Variants in SNTG2 observed in about 807,000 individuals in gnomAD.
The protein encoded by SNTG2 is syntrophin gamma 2, also known as gamma-2-syntrophin.
A neutral mutation model predicts 70.9 loss-of-function variants in SNTG2; 74 were observed. That is an observed-to-expected ratio of 1.04 (90% CI 0.86 to 1.27). SNTG2 has a LOEUF of 1.27. Ranked by LOEUF, SNTG2 falls within the 50% of genes most tolerant of loss-of-function variation. The probability of loss-of-function intolerance (pLI) is 0.00; values close to 1 mark genes in which losing one functional copy is unlikely to be tolerated. For missense variants in SNTG2, 717 were observed against 690.7 expected, an observed-to-expected ratio of 1.04 and a Z score of -0.43; for synonymous variants, 278 against 273.8, an observed-to-expected ratio of 1.02 and a Z score of -0.15.
intron 1 of SNTG2, among the ~76,000 whole-genome samples, chr2:974,755 T>C (rs1660855358): frequency 6.6e-6 from 1 of 152,192 alleles, no homozygotes; most frequent in Non-Finnish European, 1.5e-5. Context: ...AGGGACTTTT[T>C]ACTCTCTGGA....
At chr2:1,175,794 T>C (rs1393018906) in intron 8 of SNTG2, among the ~76,000 whole-genome samples, 2 of 152,216 alleles carry the variant, frequency 1.3e-5, no homozygotes, top group Non-Finnish European at 2.9e-5. Context: ...TTGAGTGGAC[T>C]CTAAACTCTT....
At chr2:1,144,078 G>T (rs986862551) in intron 6 of SNTG2, among the ~76,000 whole-genome samples, 22 of 152,196 alleles carry the variant, frequency 1.4e-4, no homozygotes, top group African/African-American at 3.6e-4. Context: ...CTACCCAAGG[G>T]TGTGCTTATC....
chr2:1,036,372 C>G (rs185293167), intron 1 of SNTG2, among the ~76,000 whole-genome samples: 1 of 151,688 alleles, frequency 6.6e-6, no homozygotes, highest in African/African-American at 2.4e-5. Context: ...TTTTCTCAAA[C>G]GTTTAGAAGA....
chr2:1,057,984 G>A (rs754366141), intron 1 of SNTG2, among the ~76,000 whole-genome samples: 13 of 152,032 alleles, frequency 8.6e-5, no homozygotes, highest in Non-Finnish European at 1.8e-4. Context: ...CTGAGATGGC[G>A]CCACTGCACT....
chr2:1,176,724 C>G (rs756548717), intron 8 of SNTG2, among the ~76,000 whole-genome samples: 4 of 151,946 alleles, frequency 2.6e-5, no homozygotes, highest in East Asian at 1.9e-4. Flanking sequence ...ATGTGGCCAA[C>G]AAGCAGATGA....
chr2:1,087,695 A>G (rs1377939574), intron 2 of SNTG2, among the ~76,000 whole-genome samples: 1 of 152,244 alleles, frequency 6.6e-6, no homozygotes, highest in Non-Finnish European at 1.5e-5. Flanking sequence ...TAATGTACTA[A>G]TCGAGTCAGT....
chr2:1,264,064 A>T (rs186570706), intron 13 of SNTG2, among the ~76,000 whole-genome samples: 2 of 152,382 alleles, frequency 1.3e-5, no homozygotes, highest in South Asian at 4.1e-4. Context: ...TTTGAAAACA[A>T]TTTAACAATT....
At chr2:1,103,104 C>T (rs1180009283) in intron 4 of SNTG2, among the ~76,000 whole-genome samples, 4 of 152,142 alleles carry the variant, frequency 2.6e-5, no homozygotes, top group East Asian at 1.9e-4. Context: ...CACAGGTCCA[C>T]GTCATGGGTG....
intron 14 of SNTG2, among the ~76,000 whole-genome samples, chr2:1,276,385 C>T (rs112609067): frequency 1.6e-3 from 249 of 152,310 alleles, no homozygotes; most frequent in Non-Finnish European, 2.7e-3. Flanking sequence ...AGTGAAGCTT[C>T]ATTTACCATT....
intron 1 of SNTG2, among the ~76,000 whole-genome samples, chr2:1,014,634 A>G (rs1659824538): frequency 1.5e-5 from 2 of 132,142 alleles, no homozygotes; most frequent in South Asian, 2.4e-4. Flanking sequence ...GGACAGAGAG[A>G]AGGGTGGTCT....
intron 14 of SNTG2, among the ~76,000 whole-genome samples, chr2:1,306,513 C>A (rs1680673195): frequency 6.6e-6 from 1 of 152,222 alleles, no homozygotes; most frequent in Non-Finnish European, 1.5e-5. Flanking sequence ...GCCTCCCGAG[C>A]TATGCAGCCA....
chr2:1,023,066 G>A (rs560117112), intron 1 of SNTG2, among the ~76,000 whole-genome samples: 100 of 152,184 alleles, frequency 6.6e-4, no homozygotes, highest in African/African-American at 2.2e-3. Flanking sequence ...CCAGGAAAGA[G>A]GATTTTTTAA....
intron 16 of SNTG2, among the ~76,000 whole-genome samples, chr2:1,323,436 G>C (rs1261512587): frequency 6.6e-6 from 1 of 151,174 alleles, no homozygotes; most frequent in Non-Finnish European, 1.5e-5. Flanking sequence ...CATAGGCTGG[G>C]ACATGGCTCA....
chr2:1,111,789 G>C (rs911474138), intron 4 of SNTG2, among the ~76,000 whole-genome samples: 1 of 152,138 alleles, frequency 6.6e-6, no homozygotes, highest in Non-Finnish European at 1.5e-5. Flanking sequence ...CTTTGAGAAA[G>C]ATCGTGTGTA....
intron 1 of SNTG2, among the ~76,000 whole-genome samples, chr2:1,031,528 A>ATATATATATATATATTTTTTTT: frequency 1.4e-4 from 8 of 59,116 alleles, no homozygotes; most frequent in African/African-American, 4.2e-4. Flanking sequence ...ATATATATAT[A>ATATATATATATATATTTTTTTT]TTTTTTTTTT....
At chr2:1,105,292 G>A (rs1666043432) in intron 4 of SNTG2, among the ~76,000 whole-genome samples, 1 of 152,204 alleles carries the variant, frequency 6.6e-6, no homozygotes, top group African/African-American at 2.4e-5. Context: ...CTTGGCTGGG[G>A]TTTGTTTCTG....
chr2:1,362,939 C>T (rs934989388), intron 16 of SNTG2, among the ~76,000 whole-genome samples: 6 of 152,154 alleles, frequency 3.9e-5, no homozygotes, highest in Admixed American at 6.5e-5. Context: ...CGATGCTGAG[C>T]ATTTCAGTAG....
intron 1 of SNTG2, among the ~76,000 whole-genome samples, chr2:965,326 CCCAA>C (rs1349000341): frequency 6.2e-3 from 810 of 129,712 alleles, no homozygotes; most frequent in Non-Finnish European, 9.9e-3. Flanking sequence ...CTCCTTGGAC[CCCAA>C]TCCTCCTCCT....
In SNTG2 at chr2:951,065, G is replaced by C; in HGVS notation, c.69G>C (p.Ala23=). 3 of 1,261,206 alleles carry C rather than the reference G, an allele frequency of 2.4e-6. No individual in the cohort carries two copies. The highest frequency in any genetic ancestry group is 3.0e-6 in the Non-Finnish European group (3 of 1,006,506). 78.1% of individuals were successfully genotyped at this position (1,261,206 alleles called of 1,614,324 possible). The change falls in exon 1 of 17, where the codon GCG becomes GCC. Residue 23 remains alanine, a synonymous_variant. Transcript: ENST00000308624. ...GCCAGGGCTGCCTGCTGGTACCTGC[G>C]CGGGTGAGTGCGGCCCCTCAGCGCC... ...RGRQGCLLVP[A]RTKTTIALLY... is the part of the protein sequence containing the mutation.
Sources: allele counts gnomAD v4.1 joint callset (sites outside exome capture counted in the v4.1 genomes callset), GRCh38; gene constraint gnomAD v4.1.1; transcripts MANE v1.5; gene names NCBI Gene and HGNC (gene_info 2026-07-23, HGNC 2026-07-21).